Variants in SLC43A3 observed in about 807,000 individuals in gnomAD.
SLC43A3 encodes the protein solute carrier family 43 member 3, also known as equilibrative nucleobase transporter 1.
In SLC43A3, 33 loss-of-function variants were observed where a neutral mutation model predicts 53.3. The observed-to-expected ratio is 0.62, with a 90% CI of 0.47 to 0.83. The LOEUF is 0.83. Ranked by LOEUF, SLC43A3 falls within the 40% of genes least tolerant of loss-of-function variation. The pLI is 0.00. For missense variants in SLC43A3, 530 were observed against 610.0 expected, an observed-to-expected ratio of 0.87 and a Z score of 1.38; for synonymous variants, 236 against 246.2, an observed-to-expected ratio of 0.96 and a Z score of 0.39.
intron 10 of SLC43A3, 88 bp downstream of exon 10, chr11:57,414,845 C>T: frequency 6.5e-7 from 1 of 1,538,260 alleles, no homozygotes; most frequent in South Asian, 1.1e-5. Flanking sequence ...ACCATCAGAC[C>T]CTCCTCTGGT....
chr11:57,424,876 C>T (rs1244243540), intron 4 of SLC43A3, among the ~76,000 whole-genome samples: 1 of 152,214 alleles, frequency 6.6e-6, no homozygotes, highest in Non-Finnish European at 1.5e-5. Context: ...TATCAGCCCC[C>T]AGCAGGCCGC....
intron 11 of SLC43A3, among the ~76,000 whole-genome samples, chr11:57,411,256 AG>A (rs1942449344): frequency 6.6e-6 from 1 of 152,162 alleles, no homozygotes; most frequent in Admixed American, 6.5e-5. Flanking sequence ...AATAATAGGA[AG>A]AAAACAAGTA....
chr11:57,425,761 G>C, intron 3 of SLC43A3, 91 bp from the exon 4 acceptor site: 1 of 1,567,006 alleles, frequency 6.4e-7, no homozygotes, highest in Non-Finnish European at 8.7e-7. Flanking sequence ...ACAGCTTGTC[G>C]GTCGCAAACT....
In SLC43A3 at chr11:57,415,083, G is replaced by T; in HGVS notation, c.793C>A (p.Gln265Lys). Residue 265 changes from glutamine to lysine, a missense_variant, in exon 10 of 14, where the codon CAG (glutamine) becomes AAG (lysine). Gln to Lys is a moderately conservative substitution (Grantham distance 53, BLOSUM62 1). Around this residue, in one of 3 missense-constraint regions of SLC43A3, gnomAD observed 376 missense variants for 386.7 expected, o/e 0.97. Coordinates refer to ENST00000395124, the MANE Select transcript of SLC43A3 (RefSeq NM_199329.3). The part of the protein sequence containing the change: ...KEETPGAGQK[Q>K]ELRSFWSYAF... ...TAGCTCCAGAAGGAGCGGAGTTCCT[G>T]CTTCTGCCCTGCCCCTGGGGTCTCT... The T allele has an allele frequency of 1.2e-6, 2 of 1,612,700 alleles. No individual in the cohort carries two copies. The highest frequency in any genetic ancestry group is 1.7e-6 in the Non-Finnish European group (2 of 1,179,158).
intron 11 of SLC43A3, among the ~76,000 whole-genome samples, chr11:57,410,803 T>C (rs939266363): frequency 6.6e-6 from 1 of 152,206 alleles, no homozygotes; most frequent in Admixed American, 6.5e-5. Context: ...GGAGGGTAAC[T>C]GAATCATGGG....
intron 9 of SLC43A3, among the ~76,000 whole-genome samples, chr11:57,416,055 C>G (rs1349979642): frequency 6.6e-6 from 1 of 152,210 alleles, no homozygotes; most frequent in Non-Finnish European, 1.5e-5. Flanking sequence ...GCCTGTTCAT[C>G]CTGCTCATCT....
rs746292657 is a variant in SLC43A3 at position 57,426,595 on chromosome 11, C to G, written c.-188G>C. ...GTGAGATAAACGACTTACCCAATAG[C>G]TCCCCGGGAGCAGGTGGAGAAGCGG... On this transcript the variant is annotated 5_prime_UTR_variant, in exon 2 of 14. Coordinates refer to ENST00000395124, the MANE Select transcript of SLC43A3 (RefSeq NM_199329.3). The G allele has an allele frequency of 2.6e-4, 42 of 160,364 alleles. No homozygotes were observed. The highest frequency in any genetic ancestry group is 4.9e-4 in the Non-Finnish European group (36 of 73,090). The allele number at this position is 160,364 out of a possible 1,614,324, so 9.9% of individuals were successfully genotyped here. A position where few individuals can be genotyped will look rare whatever the true frequency, so the allele number is the denominator to read the frequency against.
rs149398910 is a variant in SLC43A3 at position 57,425,561 on chromosome 11, G to A, written c.294C>T (p.Thr98=). Residue 98 remains threonine (T), a synonymous_variant, in exon 4 of 14, where the codon ACC becomes ACT. Transcript: ENST00000395124. ...TGYIFDRFKT[T]VARLIAIFFY... is the part of the protein sequence containing the mutation. ...CTTACATGGCTATGAGGCGTGCCAC[G>A]GTGGTCTTGAACCGGTCAAAGATGT... 239 of 1,613,860 alleles carry A rather than the reference G, an allele frequency of 1.5e-4. No homozygotes were observed. The highest frequency in any genetic ancestry group is 1.9e-4 in the Non-Finnish European group (219 of 1,179,986).
In SLC43A3 at chr11:57,407,739, T is replaced by A. The variant is rs1424780325; in HGVS notation, c.*53A>T. The A allele has an allele frequency of 2.8e-6, 3 of 1,089,126 alleles. No individual in the cohort carries two copies. The African/African-American group carries it at 4.7e-5, about 17-fold the overall frequency. The allele number at this position is 1,089,126 out of a possible 1,614,324, so 67.5% of individuals were successfully genotyped here. On this transcript the variant is annotated 3_prime_UTR_variant, in exon 14 of 14. Transcript: ENST00000395124. ...TTTTGGGACACGAGGTCCTCAAAGG[T>A]GGTGGAAGATGAACAAAACCATCCT...
chr11:57,422,567 A>C (rs1482137893), intron 5 of SLC43A3, among the ~76,000 whole-genome samples: 2 of 152,246 alleles, frequency 1.3e-5, no homozygotes, highest in Non-Finnish European at 2.9e-5. Context: ...GAGTATTCAC[A>C]CAGTTTACCA....
Position 57,410,127 on chromosome 11 carries a change from C to A in SLC43A3, c.1061-6G>T, listed in dbSNP as rs761033044. 10 of 1,580,786 alleles carry A rather than the reference C, an allele frequency of 6.3e-6. No homozygotes were observed. In the South Asian group the frequency reaches 8.1e-5, roughly 13 times the overall value. On this transcript the variant is annotated splice_region_variant and splice_polypyrimidine_tract_variant and intron_variant, in intron 11 of 13. Transcript: ENST00000395124. ...CACCGCCAAAGTGGAGGAACCTGGG[C>A]GAACAGAGAGGAAAAAGAAGCTCTC... is the stretch of plus-strand genomic sequence containing the variant.
At chr11:57,408,098 G>A in intron 13 of SLC43A3, 1 of 518,904 alleles carries the variant, frequency 1.9e-6, no homozygotes, top group Non-Finnish European at 3.5e-6. Flanking sequence ...ATCGGTTGGG[G>A]TAGAGGAGGA....
intron 5 of SLC43A3, among the ~76,000 whole-genome samples, chr11:57,422,927 G>A (rs182825419): frequency 1.3e-5 from 2 of 152,336 alleles, no homozygotes; most frequent in Admixed American, 1.3e-4. Flanking sequence ...CATGAGTGCA[G>A]ACAATCTCAT....
chr11:57,410,930 A>G (rs547844251), intron 11 of SLC43A3, among the ~76,000 whole-genome samples: 22 of 152,266 alleles, frequency 1.4e-4, no homozygotes, highest in African/African-American at 5.3e-4. Flanking sequence ...ACCACCGTGT[A>G]AGAAGTGCCT....
chr11:57,426,352 C>G lies in SLC43A3; in HGVS notation c.-180G>C. The G allele has an allele frequency of 1.7e-6, 1 of 603,670 alleles. No homozygotes were observed. The allele number at this position is 603,670 out of a possible 1,614,324, so 37.4% of individuals were successfully genotyped here. On this transcript the variant is annotated splice_region_variant and 5_prime_UTR_variant, in exon 3 of 14. Transcript: ENST00000395124. ...ACCATCAGCGGGTGATTCTCTGGATCCTGTAGAATAAAGATAGAGGCTGCT... is the reference window on the plus strand; with the variant it reads ...ACCATCAGCGGGTGATTCTCTGGATGCTGTAGAATAAAGATAGAGGCTGCT...
chr11:57,417,963 A>T, intron 7 of SLC43A3, 76 bp from the exon 8 acceptor site: 1 of 1,385,876 alleles, frequency 7.2e-7, no homozygotes, highest in Non-Finnish European at 1.0e-6. Flanking sequence ...CAAAGGATGG[A>T]AGCAAACTAA....
chr11:57,416,694 G>A, intron 8 of SLC43A3, 24 bp from the exon 9 acceptor site: 2 of 1,589,722 alleles, frequency 1.3e-6, no homozygotes, highest in Non-Finnish European at 1.7e-6. Flanking sequence ...AGCCCCACCA[G>A]CAAGGCCAAG....
At chr11:57,411,640 G>A (rs1259877028) in intron 11 of SLC43A3, among the ~76,000 whole-genome samples, 1 of 152,034 alleles carries the variant, frequency 6.6e-6, no homozygotes, top group Non-Finnish European at 1.5e-5. Flanking sequence ...ACTCCAGCTT[G>A]GGCAACAGAG....
At chr11:57,422,241 C>CATGAATAGAAAGTAACTGTCAAAATAA (rs1164140465) in intron 5 of SLC43A3, among the ~76,000 whole-genome samples, 2 of 152,208 alleles carry the variant, frequency 1.3e-5, no homozygotes, top group East Asian at 3.8e-4. Flanking sequence ...CATTACTTGT[C>CATGAATAGAAAGTAACTGTCAAAATAA]ATGAATAGAA....
Sources: gnomAD v4.1 joint callset for allele counts (sites outside exome capture counted in the v4.1 genomes callset) on GRCh38, gnomAD v4.1.1 for gene constraint, gnomAD v4.1.1 regional missense constraint, MANE v1.5 for transcripts, NCBI Gene and HGNC (gene_info 2026-07-23, HGNC 2026-07-21) for gene names.